ATF7: variants seen among roughly 807,000 people sequenced by gnomAD.
ATF7 encodes activating transcription factor 7.
ATF7 carries 10 observed loss-of-function variants against 50.4 expected under a neutral mutation model. That is an observed-to-expected ratio of 0.20 (90% confidence interval 0.12 to 0.34). ATF7 has a LOEUF of 0.34. Among genes scored for constraint, ATF7 ranks in the 10% least tolerant of loss-of-function variants. The probability of loss-of-function intolerance (pLI) is 1.00; values close to 1 mark genes in which losing one functional copy is unlikely to be tolerated. For synonymous variants in ATF7, 201 were observed against 226.4 expected (o/e 0.89, Z 1.01); for missense variants, 465 against 613.9 (o/e 0.76, Z 2.56).
At chr12:53,550,764 G>A (rs1487293882) in intron 3 of ATF7, among the ~76,000 whole-genome samples, 1 of 152,220 alleles carries the variant, frequency 6.6e-6, no homozygotes, top group East Asian at 1.9e-4. Flanking sequence ...CTTAACTGGA[G>A]ATGTGAGAAT....
At chr12:53,570,238 T>A (rs761889113) in intron 2 of ATF7, among the ~76,000 whole-genome samples, 2 of 152,124 alleles carry the variant, frequency 1.3e-5, no homozygotes. Context: ...GATAACAAAT[T>A]GTTCCAATTA....
chr12:53,553,122 A>G (rs1940488382), intron 2 of ATF7, among the ~76,000 whole-genome samples: 1 of 152,214 alleles, frequency 6.6e-6, no homozygotes, highest in African/African-American at 2.4e-5. Flanking sequence ...CAGGATTAGG[A>G]GAACCATTTA....
At chr12:53,621,514 G>C (rs1204383310) in intron 1 of ATF7, among the ~76,000 whole-genome samples, 1 of 152,130 alleles carries the variant, frequency 6.6e-6, no homozygotes, top group Non-Finnish European at 1.5e-5. Context: ...CGGCGCGGTG[G>C]CTCACGCCTG....
chr12:53,617,889 CAA>C lies in ATF7; in HGVS notation c.-22+8388_-22+8389del, dbSNP rs71444812. ...GCAGTCAGTCCATTATACAGAAGAC[CAA>C]AAAAAAAAAAAAAGTTTTTAAACAA... On this transcript the variant is annotated intron_variant, in intron 1 of 11. Transcript: ENST00000420353. Among the ~76,000 whole-genome samples the C allele has an allele frequency of 2.6e-3, 310 of 120,054 alleles. 1 individual carries two copies. Among genetic ancestry groups the C allele is most frequent in the African/African-American group, 8.9e-3 (288 of 32,220 alleles). The allele number at this position is 120,054 out of a possible 152,430, so 78.8% of individuals were successfully genotyped here.
intron 2 of ATF7, 131 bp downstream of exon 2, chr12:53,600,822 C>A: frequency 2.3e-6 from 2 of 853,786 alleles, no homozygotes; most frequent in South Asian, 1.6e-5. Flanking sequence ...GATTTACACA[C>A]TGCAAATCCT....
chr12:53,621,669 A>G (rs1212440613), intron 1 of ATF7, among the ~76,000 whole-genome samples: 1 of 151,412 alleles, frequency 6.6e-6, no homozygotes, highest in African/African-American at 2.4e-5. Context: ...CAGGCCTGTA[A>G]TCCCAACTAC....
intron 2 of ATF7, among the ~76,000 whole-genome samples, chr12:53,584,785 G>A (rs1050151195): frequency 3.3e-5 from 5 of 152,196 alleles, no homozygotes; most frequent in African/African-American, 4.8e-5. Context: ...AAGCTAGTAT[G>A]AAACGGCCTT....
intron 1 of ATF7, chr12:53,626,060 T>G (rs1944593588): frequency 6.6e-6 from 1 of 152,282 alleles, no homozygotes; most frequent in Non-Finnish European, 1.5e-5. Flanking sequence ...CGATCTCCCA[T>G]TAGCGCTCAT....
intron 9 of ATF7, chr12:53,525,089 C>G (rs943568913): frequency 4.9e-6 from 1 of 205,276 alleles, no homozygotes; most frequent in African/African-American, 2.3e-5. Context: ...CACAGTGGCT[C>G]GCGCCTGTAA....
At chr12:53,566,657 A>G (rs1941459349) in intron 2 of ATF7, among the ~76,000 whole-genome samples, 1 of 152,224 alleles carries the variant, frequency 6.6e-6, no homozygotes, top group African/African-American at 2.4e-5. Flanking sequence ...CAGCAGAGAG[A>G]AAGAACCTAG....
intron 3 of ATF7, among the ~76,000 whole-genome samples, chr12:53,546,235 A>G (rs1939898458): frequency 6.6e-6 from 1 of 151,184 alleles, no homozygotes; most frequent in Non-Finnish European, 1.5e-5. Flanking sequence ...AACAACCAAC[A>G]AAAATTAACC....
intron 2 of ATF7, among the ~76,000 whole-genome samples, chr12:53,580,341 C>T (rs1338165047): frequency 6.6e-6 from 1 of 150,700 alleles, no homozygotes; most frequent in African/African-American, 2.4e-5. Context: ...TGAGAAAACC[C>T]CTTTAATACA....
At chr12:53,517,837 C>A (rs925433733) in intron 11 of ATF7, among the ~76,000 whole-genome samples, 3 of 152,048 alleles carry the variant, frequency 2.0e-5, no homozygotes, top group African/African-American at 4.8e-5. Context: ...TTAATTCTCA[C>A]AGGAACTGAA....
rs1944602446 is a variant in ATF7, at chr12:53,626,273, A to C, written c.-22+6T>G. On this transcript the variant is annotated splice_donor_region_variant and intron_variant, in intron 1 of 11. Transcript: ENST00000420353. ...TCATGGACTAGCTAATGTTAAAAGG[A>C]CTTACCGGCTGGTAGCTCCGTTGCC... 6.5e-6 allele frequency: 1 copy of C among 152,850 alleles called. No homozygotes were observed. Among genetic ancestry groups the C allele is most frequent in the Non-Finnish European group, 1.5e-5 (1 of 68,230 alleles). The allele number at this position is 152,850 out of a possible 1,614,324, so 9.5% of individuals were successfully genotyped here.
Position 53,517,225 on chromosome 12 carries a change from G to C in ATF7, c.1364C>G (p.Thr455Ser). 1 of 1,614,066 alleles carries C rather than the reference G, an allele frequency of 6.2e-7. No individual in the cohort carries two copies. Among genetic ancestry groups the C allele is most frequent in the South Asian group, 1.1e-5 (1 of 91,092 alleles). ...TTCTGTCCTTTGGCTGGCCATCTGA[G>C]TGAGGACCGAGGTGGCCACAGCTTC... ...AAEAVATSVL[T>S]QMASQRTELS... The change falls in exon 12 of 12, where the codon ACT becomes AGT. Residue 455 changes from threonine to serine, a missense_variant. Coordinates refer to ENST00000420353, the MANE Select transcript of ATF7 (RefSeq NM_006856.3).
chr12:53,609,179 G>C (rs1001175782), intron 1 of ATF7, among the ~76,000 whole-genome samples: 6 of 149,188 alleles, frequency 4.0e-5, no homozygotes, highest in African/African-American at 1.3e-4. Flanking sequence ...TTTGAGACAG[G>C]GTTCTGCTCT....
chr12:53,602,791 T>C (rs1334529387), intron 1 of ATF7, among the ~76,000 whole-genome samples: 1 of 152,186 alleles, frequency 6.6e-6, no homozygotes, highest in African/African-American at 2.4e-5. Flanking sequence ...TTCTGGTTGG[T>C]TGGTTTGTTT....
chr12:53,609,179 G>A (rs1001175782), intron 1 of ATF7, among the ~76,000 whole-genome samples: 5 of 149,188 alleles, frequency 3.4e-5, no homozygotes, highest in African/African-American at 1.0e-4. Flanking sequence ...TTTGAGACAG[G>A]GTTCTGCTCT....
At chr12:53,542,714 C>G (rs531643816) in intron 4 of ATF7, among the ~76,000 whole-genome samples, 2 of 152,198 alleles carry the variant, frequency 1.3e-5, no homozygotes, top group Admixed American at 1.3e-4. Context: ...AGCCAATGTG[C>G]TTGGCCACTT....
Sources: gnomAD v4.1 joint callset for allele counts (sites outside exome capture counted in the v4.1 genomes callset) on GRCh38, gnomAD v4.1.1 for gene constraint, MANE v1.5 for transcripts, NCBI Gene and HGNC (gene_info 2026-07-23, HGNC 2026-07-21) for gene names.